GULP1: variants seen among roughly 807,000 people sequenced by gnomAD.
GULP1 encodes GULP PTB domain containing engulfment adaptor 1.
In GULP1, 19 loss-of-function variants were observed where a neutral mutation model predicts 40.9. The ratio of observed to expected loss-of-function variants is 0.46; its 90% CI spans 0.32 to 0.68. The LOEUF (loss-of-function observed/expected upper bound fraction) is 0.68, where lower values mean the gene tolerates loss of function less well. Ranked by LOEUF, GULP1 falls within the 30% of genes least tolerant of loss-of-function variation. The probability of loss-of-function intolerance (pLI) is 0.03; values close to 1 mark genes in which losing one functional copy is unlikely to be tolerated. For missense variants in GULP1, 312 were observed against 362.2 expected, an observed-to-expected ratio of 0.86 and a Z score of 1.12; for synonymous variants, 119 against 117.6, an observed-to-expected ratio of 1.01 and a Z score of -0.08.
intron 7 of GULP1, among the ~76,000 whole-genome samples, chr2:188,554,542 G>A (rs1410103738): frequency 2.7e-5 from 4 of 150,062 alleles, no homozygotes; most frequent in Admixed American, 2.7e-4. Context: ...CTAATTTGTT[G>A]AGACTTGTTT....
At chr2:188,473,463 G>T (rs190233196) in intron 2 of GULP1, among the ~76,000 whole-genome samples, 3 of 152,240 alleles carry the variant, frequency 2.0e-5, no homozygotes, top group East Asian at 1.9e-4. Context: ...GTGTTCTATT[G>T]TACTGTGGCT....
At chr2:188,362,704 G>A (rs1238163550) in intron 1 of GULP1, among the ~76,000 whole-genome samples, 1 of 152,076 alleles carries the variant, frequency 6.6e-6, no homozygotes, top group African/African-American at 2.4e-5. Flanking sequence ...TTAGATGTTT[G>A]TGTTTCTTTA....
chr2:188,564,471 T>C (rs1697152403), intron 7 of GULP1, among the ~76,000 whole-genome samples: 1 of 151,904 alleles, frequency 6.6e-6, no homozygotes, highest in Non-Finnish European at 1.5e-5. Flanking sequence ...AAGAAAAATG[T>C]ATTTACCGTA....
At chr2:188,477,447 G>A (rs182326095) in intron 2 of GULP1, among the ~76,000 whole-genome samples, 55 of 152,166 alleles carry the variant, frequency 3.6e-4, no homozygotes, top group South Asian at 2.5e-3. Context: ...AACTTGGGAG[G>A]AATTTCTGTG....
intron 2 of GULP1, among the ~76,000 whole-genome samples, chr2:188,456,383 C>G (rs563884360): frequency 2.0e-5 from 3 of 152,236 alleles, no homozygotes; most frequent in Admixed American, 1.3e-4. Context: ...AGCCTAGGAA[C>G]TTGGTGCCTT....
In GULP1 at chr2:188,478,075, A is replaced by C. The variant is rs923085059; in HGVS notation, c.28+345A>C. On this transcript the variant is annotated intron_variant, in intron 3 of 11. Coordinates refer to ENST00000409830, the MANE Select transcript of GULP1 (RefSeq NM_016315.4). ...ATAATACTAAATTCCCTGGGCTTAC[A>C]TAAGATTATGGTAACATAAATTCAT... Among the ~76,000 whole-genome samples, 5 of 152,238 alleles carry C rather than the reference A, an allele frequency of 3.3e-5. No homozygotes were observed. The East Asian group carries it at 9.7e-4, about 29-fold the overall frequency.
intron 2 of GULP1, among the ~76,000 whole-genome samples, chr2:188,424,722 T>C (rs1438255269): frequency 3.9e-5 from 6 of 151,976 alleles, no homozygotes; most frequent in African/African-American, 1.4e-4. Context: ...CATTTTTATA[T>C]GTCTTTATTT....
At chr2:188,324,561 T>C (rs2151966334) in intron 1 of GULP1, among the ~76,000 whole-genome samples, 1 of 152,130 alleles carries the variant, frequency 6.6e-6, no homozygotes, top group South Asian at 2.1e-4. Flanking sequence ...TTACTTCAGC[T>C]TAAGTATTTA....
intron 1 of GULP1, among the ~76,000 whole-genome samples, chr2:188,330,059 A>C (rs13403672): frequency 0.023 from 3,491 of 152,242 alleles, 141 homozygotes; most frequent in African/African-American, 0.079. Context: ...AGGAGTCGTC[A>C]TCATATAGGT....
chr2:188,515,489 G>A (rs1225624764), intron 4 of GULP1, among the ~76,000 whole-genome samples: 1 of 152,098 alleles, frequency 6.6e-6, no homozygotes, highest in Admixed American at 6.5e-5. Flanking sequence ...TCTCTAGTGA[G>A]CACGTCAGAG....
intron 2 of GULP1, among the ~76,000 whole-genome samples, chr2:188,460,211 T>C (rs574257296): frequency 6.6e-6 from 1 of 152,208 alleles, no homozygotes; most frequent in Non-Finnish European, 1.5e-5. Flanking sequence ...AGGGATTTCA[T>C]TGAATCTGTA....
At chr2:188,449,334 T>C (rs981549227) in intron 2 of GULP1, among the ~76,000 whole-genome samples, 3 of 152,186 alleles carry the variant, frequency 2.0e-5, no homozygotes, top group African/African-American at 7.2e-5. Flanking sequence ...GGTTCTGTTT[T>C]ACTATTTTTT....
chr2:188,514,040 A>AGTGTGTGTGTGTGTGTGTGTGTGTGTGT (rs1164481151), intron 4 of GULP1, among the ~76,000 whole-genome samples: 16 of 123,074 alleles, frequency 1.3e-4, no homozygotes, highest in South Asian at 3.3e-4. Flanking sequence ...TCCCCTTCTG[A>AGTGTGTGTGTGTGTGTGTGTGTGTGTGT]GTGTGTGTGT....
chr2:188,468,224 A>C (rs2060288785), intron 2 of GULP1, among the ~76,000 whole-genome samples: 1 of 152,086 alleles, frequency 6.6e-6, no homozygotes, highest in Non-Finnish European at 1.5e-5. Context: ...TCTTTGATGA[A>C]ATTATTCATT....
At chr2:188,438,113 C>G (rs1420783140) in intron 2 of GULP1, among the ~76,000 whole-genome samples, 1 of 152,002 alleles carries the variant, frequency 6.6e-6, no homozygotes, top group Non-Finnish European at 1.5e-5. Flanking sequence ...ATAAAAAATA[C>G]AAACGCAGTG....
At chr2:188,385,445 C>A (rs369005445) in intron 2 of GULP1, among the ~76,000 whole-genome samples, 1 of 151,940 alleles carries the variant, frequency 6.6e-6, no homozygotes, top group African/African-American at 2.4e-5. Flanking sequence ...CCTAAACCTC[C>A]GGGGTTGCCA....
At chr2:188,465,214 T>C (rs533009884) in intron 2 of GULP1, among the ~76,000 whole-genome samples, 1 of 152,240 alleles carries the variant, frequency 6.6e-6, no homozygotes, top group Non-Finnish European at 1.5e-5. Context: ...ATTCTTTTGT[T>C]AAGGGCATGT....
At chr2:188,413,009 T>C (rs1019046772) in intron 2 of GULP1, among the ~76,000 whole-genome samples, 2 of 152,170 alleles carry the variant, frequency 1.3e-5, no homozygotes, top group Non-Finnish European at 2.9e-5. Flanking sequence ...AACTAAAGTC[T>C]AGAGGATTAA....
intron 2 of GULP1, among the ~76,000 whole-genome samples, chr2:188,447,006 T>C (rs2058446571): frequency 1.3e-5 from 2 of 152,166 alleles, no homozygotes; most frequent in African/African-American, 2.4e-5. Context: ...GGGCATAGCC[T>C]CGTTTTATGC....
Sources: allele counts gnomAD v4.1 joint callset (sites outside exome capture counted in the v4.1 genomes callset), GRCh38; gene constraint gnomAD v4.1.1; transcripts MANE v1.5; gene names NCBI Gene and HGNC (gene_info 2026-07-23, HGNC 2026-07-21).